Variants in CNTN1 observed in about 807,000 individuals in gnomAD.
The protein encoded by CNTN1 is contactin-1.
CNTN1 carries 38 observed loss-of-function variants against 126.4 expected under a neutral mutation model. The ratio of observed to expected loss-of-function variants is 0.30; its 90% confidence interval spans 0.23 to 0.39. The LOEUF (loss-of-function observed/expected upper bound fraction) is 0.39. CNTN1 is among the 10% of genes least tolerant of loss of function. CNTN1 has a pLI of 1.00. For synonymous variants in CNTN1, 413 were observed against 422.6 expected (o/e 0.98, Z 0.28); for missense variants, 1,009 against 1,248.4 (o/e 0.81, Z 2.89).
At chr12:40,834,981 C>T (rs572398820) in intron 1 of CNTN1, among the ~76,000 whole-genome samples, 8 of 152,156 alleles carry the variant, frequency 5.3e-5, no homozygotes, top group South Asian at 2.1e-4. Context: ...TATGAGGCTA[C>T]GGGGACCTGG....
intron 1 of CNTN1, among the ~76,000 whole-genome samples, chr12:40,906,863 G>C (rs571059533): frequency 6.6e-6 from 1 of 151,766 alleles, no homozygotes; most frequent in Non-Finnish European, 1.5e-5. Context: ...TTTTAGTAGA[G>C]ATGGGGGTTT....
chr12:40,995,378 C>A (rs1164715993), intron 17 of CNTN1, among the ~76,000 whole-genome samples: 1 of 151,722 alleles, frequency 6.6e-6, no homozygotes, highest in Non-Finnish European at 1.5e-5. Flanking sequence ...AAGTCCTAGT[C>A]AAATGAGCTC....
rs1941733626 is a variant in CNTN1 at position 40,706,111 on chromosome 12, T to TAG, written c.-77+13521_-77+13522dup. On this transcript the variant is annotated intron_variant, in intron 1 of 23. Transcript: ENST00000551295. ...ATTTGATGCTTTATATATATATATATAGATATATAGATATTTTTATTATAC... is the reference window on the plus strand; with the variant it reads ...ATTTGATGCTTTATATATATATATATAGAGATATATAGATATTTTTATTATAC... 2.0e-5 allele frequency among the ~76,000 whole-genome samples: 3 copies of TAG among 150,466 alleles called. No individual in the cohort carries two copies. The Admixed American group carries it at 2.0e-4, about 10-fold the overall frequency.
At chr12:41,026,779 G>A (rs1388408881) in intron 21 of CNTN1, among the ~76,000 whole-genome samples, 2 of 152,150 alleles carry the variant, frequency 1.3e-5, no homozygotes, top group Admixed American at 1.3e-4. Context: ...AATTTATGAT[G>A]TTGTTTTTAA....
intron 15 of CNTN1, among the ~76,000 whole-genome samples, chr12:40,974,626 T>G (rs1419873837): frequency 6.6e-6 from 1 of 152,086 alleles, no homozygotes; most frequent in African/African-American, 2.4e-5. Context: ...AAAATATTGT[T>G]TTTAGGATAG....
At chr12:40,809,462 T>C (rs35546944) in intron 1 of CNTN1, among the ~76,000 whole-genome samples, 5,127 of 152,252 alleles carry the variant, frequency 0.034, 119 homozygotes, top group Middle Eastern at 0.11. Context: ...AATCATCTTA[T>C]TAAATGAATC....
At chr12:40,710,594 A>C (rs1448810621) in intron 1 of CNTN1, among the ~76,000 whole-genome samples, 1 of 152,152 alleles carries the variant, frequency 6.6e-6, no homozygotes, top group East Asian at 1.9e-4. Context: ...CAATAAAGTG[A>C]AGTCCAATAA....
chr12:40,910,151 G>A, intron 3 of CNTN1, 46 bp downstream of exon 3: 2 of 1,426,666 alleles, frequency 1.4e-6, no homozygotes, highest in Non-Finnish European at 2.0e-6. Context: ...TTTCTCTATT[G>A]AATCATATTT....
At chr12:40,939,221 C>T (rs545180922) in intron 11 of CNTN1, 114 bp from the exon 12 acceptor site, 38 of 1,138,930 alleles carry the variant, frequency 3.3e-5, no homozygotes, top group Non-Finnish European at 3.8e-5. Flanking sequence ...TCATATTTAC[C>T]GAGATTAATC....
chr12:40,982,930 C>T (rs926818573), intron 16 of CNTN1, among the ~76,000 whole-genome samples: 1 of 88,972 alleles, frequency 1.1e-5, no homozygotes, highest in Non-Finnish European at 2.1e-5. Context: ...CATCACACAC[C>T]GGGGCCTGTC....
chr12:40,849,908 A>G (rs1472117867), intron 1 of CNTN1, among the ~76,000 whole-genome samples: 2 of 152,032 alleles, frequency 1.3e-5, no homozygotes, highest in African/African-American at 2.4e-5. Flanking sequence ...CATACAGTAT[A>G]TATGCATCTC....
intron 21 of CNTN1, among the ~76,000 whole-genome samples, chr12:41,027,184 A>G (rs1404098979): frequency 6.6e-6 from 1 of 152,164 alleles, no homozygotes; most frequent in East Asian, 1.9e-4. Flanking sequence ...ATAGGCTGAT[A>G]TCTGCCTAGA....
intron 1 of CNTN1, among the ~76,000 whole-genome samples, chr12:40,890,914 A>G (rs1399271093): frequency 2.6e-5 from 4 of 152,176 alleles, no homozygotes; most frequent in Non-Finnish European, 5.9e-5. Flanking sequence ...TCTGTTAGAA[A>G]CTGCCAAACT....
intron 1 of CNTN1, among the ~76,000 whole-genome samples, chr12:40,831,636 C>A (rs1263808918): frequency 6.6e-6 from 1 of 152,072 alleles, no homozygotes; most frequent in African/African-American, 2.4e-5. Context: ...TTTAATATAG[C>A]TTTATGGATG....
chr12:41,046,291 A>G (rs1358866784), intron 23 of CNTN1, among the ~76,000 whole-genome samples: 2 of 152,178 alleles, frequency 1.3e-5, no homozygotes, highest in East Asian at 3.9e-4. Flanking sequence ...GTAAAAAATT[A>G]CATTATAATT....
intron 1 of CNTN1, among the ~76,000 whole-genome samples, chr12:40,814,560 T>C (rs572081537): frequency 2.0e-5 from 3 of 152,224 alleles, no homozygotes; most frequent in Non-Finnish European, 4.4e-5. Context: ...TCTATATGAT[T>C]GTTTTGGTAC....
intron 1 of CNTN1, among the ~76,000 whole-genome samples, chr12:40,706,599 AAC>A (rs1941747193): frequency 6.6e-6 from 1 of 151,990 alleles, no homozygotes; most frequent in South Asian, 2.1e-4. Context: ...GACCCCTCAA[AAC>A]ACAGTAATGT....
chr12:40,978,432 C>G (rs894741364), intron 15 of CNTN1, among the ~76,000 whole-genome samples: 2 of 151,956 alleles, frequency 1.3e-5, no homozygotes, highest in Non-Finnish European at 2.9e-5. Context: ...GATTCCACCT[C>G]TTCATGATGA....
intron 1 of CNTN1, among the ~76,000 whole-genome samples, chr12:40,835,835 C>T (rs898704311): frequency 1.3e-5 from 2 of 149,038 alleles, no homozygotes; most frequent in African/African-American, 4.9e-5. Flanking sequence ...CACACACACA[C>T]ACACAAGTTG....
Sources: allele counts gnomAD v4.1 joint callset (sites outside exome capture counted in the v4.1 genomes callset), GRCh38; gene constraint gnomAD v4.1.1; transcripts MANE v1.5; gene names NCBI Gene and HGNC (gene_info 2026-07-23, HGNC 2026-07-21).